Variants in KCNAB1 observed in about 807,000 individuals in gnomAD.
KCNAB1 encodes the protein potassium voltage-gated channel subfamily A regulatory beta subunit 1, also known as voltage-gated potassium channel subunit beta-1.
A neutral mutation model predicts 64.6 loss-of-function variants in KCNAB1; 35 were observed. That is an observed-to-expected ratio of 0.54 (90% CI 0.41 to 0.72). The LOEUF (loss-of-function observed/expected upper bound fraction) is 0.72. Ranked by LOEUF, KCNAB1 falls within the 30% of genes least tolerant of loss-of-function variation. KCNAB1 has a pLI of 0.00. For missense variants in KCNAB1, 401 were observed against 512.9 expected, an observed-to-expected ratio of 0.78 and a Z score of 2.11; for synonymous variants, 177 against 183.8, an observed-to-expected ratio of 0.96 and a Z score of 0.30.
In KCNAB1 at chr3:156,484,830, C is replaced by T. The variant is rs144061489; in HGVS notation, c.658+10010C>T. The stretch of plus-strand genomic sequence containing the variant: ...TAATGAGAGTAAGTGGTTTTGTTAA[C>T]CCCCCTCCTGAATATTTAATATGTG... On this transcript the variant is annotated intron_variant, in intron 8 of 13. Coordinates refer to ENST00000490337, the MANE Select transcript of KCNAB1 (RefSeq NM_172160.3). 3.3e-4 allele frequency among the ~76,000 whole-genome samples: 49 copies of T among 148,318 alleles called. No homozygotes were observed. The East Asian group carries it at 9.1e-3, about 28-fold the overall frequency.
At chr3:156,465,746 C>A in intron 7 of KCNAB1, 60 bp downstream of exon 7, 1 of 1,363,068 alleles carries the variant, frequency 7.3e-7, no homozygotes, top group Non-Finnish European at 1.1e-6. Flanking sequence ...AGAAAGGTAT[C>A]AACCAAACAA....
At position 156,207,264 on chromosome 3, in the gene KCNAB1, G is replaced by A. The variant is rs1057389676; in HGVS notation, c.275+86378G>A. Among the ~76,000 whole-genome samples the A allele has an allele frequency of 2.0e-5, 3 of 152,110 alleles. No individual in the cohort carries two copies. In the East Asian group the frequency reaches 5.8e-4, roughly 29 times the overall value. On this transcript the variant is annotated intron_variant, in intron 1 of 13. Transcript: ENST00000490337. The stretch of plus-strand genomic sequence containing the variant: ...GTAGGAGAAGAAGAAAATGTGGTTG[G>A]GGTATTTATGTCCCCATTGGGTATT...
chr3:156,470,133 T>C (rs1713772896), intron 7 of KCNAB1, among the ~76,000 whole-genome samples: 2 of 152,206 alleles, frequency 1.3e-5, no homozygotes, highest in Non-Finnish European at 2.9e-5. Context: ...AGAATTCATA[T>C]TGAAAGGCCT....
intron 1 of KCNAB1, among the ~76,000 whole-genome samples, chr3:156,239,981 G>C (rs1045400386): frequency 6.6e-6 from 1 of 152,128 alleles, no homozygotes; most frequent in Non-Finnish European, 1.5e-5. Context: ...AATACATCAT[G>C]TTAGGGAGAT....
chr3:156,192,477 G>T (rs1249298926), intron 1 of KCNAB1, among the ~76,000 whole-genome samples: 1 of 151,984 alleles, frequency 6.6e-6, no homozygotes, highest in Non-Finnish European at 1.5e-5. Context: ...CTGTTGTTAG[G>T]GTTTTTTATA....
intron 1 of KCNAB1, among the ~76,000 whole-genome samples, chr3:156,198,616 CT>C (rs59410120): frequency 0.029 from 3,399 of 118,188 alleles, 47 homozygotes; most frequent in African/African-American, 0.095. Flanking sequence ...GCAAACCCTG[CT>C]TTTTTTTTTT....
intron 1 of KCNAB1, among the ~76,000 whole-genome samples, chr3:156,172,639 A>T (rs981142956): frequency 2.6e-5 from 4 of 152,174 alleles, no homozygotes; most frequent in South Asian, 2.1e-4. Context: ...ACTTATTCCC[A>T]GGTCAGTGGT....
chr3:156,342,608 AAT>A (rs1491157138), intron 1 of KCNAB1, among the ~76,000 whole-genome samples: 22 of 63,662 alleles, frequency 3.5e-4, no homozygotes, highest in African/African-American at 9.1e-4. Context: ...TTTTTTTTTT[AAT>A]TTTTTTTTTT....
intron 5 of KCNAB1, chr3:156,460,228 T>A: frequency 5.0e-6 from 1 of 199,928 alleles, no homozygotes; most frequent in Non-Finnish European, 1.0e-5. Context: ...CCCACACACA[T>A]GCATTTATGT....
At chr3:156,385,740 T>C (rs1378793415) in intron 1 of KCNAB1, among the ~76,000 whole-genome samples, 1 of 152,224 alleles carries the variant, frequency 6.6e-6, no homozygotes, top group African/African-American at 2.4e-5. Flanking sequence ...TTAGACTCTT[T>C]CAGAAGTTTA....
chr3:156,284,224 C>T lies in KCNAB1; in HGVS notation c.276-137392C>T, dbSNP rs1451952026. ...GCTGCAGGTCTGTTGGAGTACCCTG[C>T]CGTGTGAGGTGTCAGTGTGCCCCTG... On this transcript the variant is annotated intron_variant, in intron 1 of 13. Coordinates refer to ENST00000490337, the MANE Select transcript of KCNAB1 (RefSeq NM_172160.3). Among the ~76,000 whole-genome samples the T allele has an allele frequency of 1.3e-3, 200 of 152,136 alleles. 1 individual carries two copies. Among genetic ancestry groups the T allele is most frequent in the African/African-American group, 4.2e-3 (175 of 41,494 alleles).
At chr3:156,298,846 A>G (rs1720966438) in intron 1 of KCNAB1, among the ~76,000 whole-genome samples, 1 of 152,248 alleles carries the variant, frequency 6.6e-6, no homozygotes, top group Non-Finnish European at 1.5e-5. Flanking sequence ...TTGTATGCTT[A>G]AAGACATTTT....
intron 1 of KCNAB1, among the ~76,000 whole-genome samples, chr3:156,225,613 TA>T (rs1237368481): frequency 6.6e-6 from 1 of 152,040 alleles, no homozygotes; most frequent in Non-Finnish European, 1.5e-5. Context: ...TCCAAATTGG[TA>T]AAGAGGAGGT....
In KCNAB1 at chr3:156,176,825, C is replaced by T. The variant is rs924781407; in HGVS notation, c.275+55939C>T. 1.4e-4 allele frequency: 131 copies of T among 954,032 alleles called. 2 individuals carry two copies. The South Asian group carries it at 1.6e-3, about 11-fold the overall frequency. 59.1% of individuals were successfully genotyped at this position (954,032 alleles called of 1,614,324 possible). On this transcript the variant is annotated intron_variant, in intron 1 of 13. Transcript: ENST00000490337. ...GCTGCCCGGCTCCAGGGCCCGATCC[C>T]GCCACTCCCAACAGCAACTCATGCC...
chr3:156,385,252 T>C (rs1279158408), intron 1 of KCNAB1, among the ~76,000 whole-genome samples: 1 of 152,160 alleles, frequency 6.6e-6, no homozygotes, highest in African/African-American at 2.4e-5. Flanking sequence ...AAGTGCTACT[T>C]TGGGAATCTT....
chr3:156,211,783 T>C (rs1043403427), intron 1 of KCNAB1, among the ~76,000 whole-genome samples: 11 of 152,240 alleles, frequency 7.2e-5, no homozygotes, highest in African/African-American at 2.7e-4. Flanking sequence ...GGGATATGTC[T>C]ATCTATGTGA....
At chr3:156,257,662 G>A (rs1419979916) in intron 1 of KCNAB1, among the ~76,000 whole-genome samples, 1 of 152,162 alleles carries the variant, frequency 6.6e-6, no homozygotes, top group Non-Finnish European at 1.5e-5. Flanking sequence ...GTATCCCCAT[G>A]ATCACAGGGA....
At chr3:156,312,671 C>T (rs927394846) in intron 1 of KCNAB1, among the ~76,000 whole-genome samples, 2 of 123,810 alleles carry the variant, frequency 1.6e-5, no homozygotes, top group Admixed American at 9.7e-5. Context: ...CATTACTGCA[C>T]TCCAGCCTAG....
intron 11 of KCNAB1, among the ~76,000 whole-genome samples, chr3:156,516,617 T>C (rs1324723258): frequency 6.6e-6 from 1 of 152,248 alleles, no homozygotes; most frequent in Non-Finnish European, 1.5e-5. Flanking sequence ...CCCAGTGACC[T>C]GATTGGACTT....
Sources: gnomAD v4.1 joint callset for allele counts (sites outside exome capture counted in the v4.1 genomes callset) on GRCh38, gnomAD v4.1.1 for gene constraint, MANE v1.5 for transcripts, NCBI Gene and HGNC (gene_info 2026-07-23, HGNC 2026-07-21) for gene names.